The following LRP1B variants were observed in gnomAD, a reference collection of about 807,000 sequenced individuals.
LRP1B encodes the protein LDL receptor related protein 1B, also known as low-density lipoprotein receptor-related protein 1B.
LRP1B carries 217 observed loss-of-function variants against 556.6 expected under a neutral mutation model. The ratio of observed to expected loss-of-function variants is 0.39; its 90% CI spans 0.35 to 0.44. The LOEUF (loss-of-function observed/expected upper bound fraction) is 0.44, where lower values mean the gene tolerates loss of function less well. Ranked by LOEUF, LRP1B falls within the 20% of genes least tolerant of loss-of-function variation. The pLI is 1.00. For missense variants in LRP1B, 5,053 were observed against 5,620.8 expected, an observed-to-expected ratio of 0.90 and a Z score of 3.23; for synonymous variants, 2,047 against 1,865.8, an observed-to-expected ratio of 1.10 and a Z score of -2.50.
intron 13 of LRP1B, 55 bp from the exon 14 acceptor site, chr2:141,013,800 T>C: frequency 3.0e-6 from 3 of 1,008,452 alleles, no homozygotes; most frequent in East Asian, 2.8e-5. Flanking sequence ...GAAACATAAC[T>C]AGATATTTAG....
Position 140,849,690 on chromosome 2 carries a change from C to T in LRP1B, c.4939+412G>A, listed in dbSNP as rs954135218. On this transcript the variant is annotated intron_variant, in intron 29 of 90. Coordinates refer to ENST00000389484, the MANE Select transcript of LRP1B (RefSeq NM_018557.3). ...AAGTAGCTGGGATTACATGTGTGCA[C>T]CACCACATTTGGCTAATTTTGTATT... 2.6e-5 allele frequency among the ~76,000 whole-genome samples: 4 copies of T among 152,008 alleles called. No individual in the cohort carries two copies. The East Asian group carries it at 7.8e-4, about 29-fold the overall frequency.
At chr2:141,411,994 T>C (rs923840912) in intron 3 of LRP1B, among the ~76,000 whole-genome samples, 5 of 151,784 alleles carry the variant, frequency 3.3e-5, no homozygotes, top group African/African-American at 1.2e-4. Flanking sequence ...CATACTAGAT[T>C]GTCTTGAAAT....
At chr2:141,713,335 C>G (rs1466415422) in intron 2 of LRP1B, among the ~76,000 whole-genome samples, 3 of 152,116 alleles carry the variant, frequency 2.0e-5, no homozygotes, top group African/African-American at 4.8e-5. Flanking sequence ...CCACATCGTC[C>G]TTAAGTTTAT....
Position 141,356,705 on chromosome 2 carries a change from GAGA to G in LRP1B, c.344-102067_344-102065del, listed in dbSNP as rs537059875. ...TGACATTTTTGGTTTCTCTCACTTT[GAGA>G]AGAAGACAAATATGTTTTATATAAC... On this transcript the variant is annotated intron_variant, in intron 3 of 90. Transcript: ENST00000389484. 6.0e-3 allele frequency among the ~76,000 whole-genome samples: 910 copies of G among 152,190 alleles called. 3 individuals are homozygous for G. Among genetic ancestry groups the G allele is most frequent in the Non-Finnish European group, 0.01 (683 of 67,996 alleles).
intron 1 of LRP1B, among the ~76,000 whole-genome samples, chr2:141,984,489 T>C (rs189857770): frequency 5.9e-5 from 9 of 152,166 alleles, no homozygotes; most frequent in African/African-American, 2.2e-4. Context: ...TCAAAATAAA[T>C]ATATATAGAA....
intron 35 of LRP1B, among the ~76,000 whole-genome samples, chr2:140,751,279 C>A (rs1245356107): frequency 6.6e-6 from 1 of 152,174 alleles, no homozygotes; most frequent in African/African-American, 2.4e-5. Flanking sequence ...AGGCATGAGC[C>A]ACCACGCATG....
intron 2 of LRP1B, among the ~76,000 whole-genome samples, chr2:141,700,186 A>G (rs1691889508): frequency 1.3e-5 from 2 of 151,748 alleles, no homozygotes; most frequent in East Asian, 1.9e-4. Flanking sequence ...ATTTCTATTG[A>G]CATTTTTAAA....
At chr2:142,092,228 T>A (rs1213444400) in intron 1 of LRP1B, among the ~76,000 whole-genome samples, 1 of 152,210 alleles carries the variant, frequency 6.6e-6, no homozygotes, top group Non-Finnish European at 1.5e-5. Flanking sequence ...TCAGAGGAAG[T>A]ACCTAGTGAA....
rs548578523 is a variant in LRP1B, at chr2:141,000,322, T to C, written c.2503+5013A>G. Among the ~76,000 whole-genome samples the C allele has an allele frequency of 4.6e-5, 7 of 152,126 alleles. No homozygotes were observed. The East Asian group carries it at 1.2e-3, about 25-fold the overall frequency. On this transcript the variant is annotated intron_variant, in intron 15 of 90. Coordinates refer to ENST00000389484, the MANE Select transcript of LRP1B (RefSeq NM_018557.3). ...CAGGTGAGCTTTGTTAAAATAAACATAAAGGACAAGCTTGATCAAAAGGTA... is the reference window on the plus strand; with the variant it reads ...CAGGTGAGCTTTGTTAAAATAAACACAAAGGACAAGCTTGATCAAAAGGTA...
chr2:140,274,529 A>G lies in LRP1B; in HGVS notation c.13037T>C (p.Val4346Ala), dbSNP rs2104952385. The G allele has an allele frequency of 5.0e-6, 8 of 1,612,488 alleles. No homozygotes were observed. The highest frequency in any genetic ancestry group is 6.8e-6 in the Non-Finnish European group (8 of 1,178,926). ...TGGTCCTTCATAGCGCGTTGGACAG[A>G]CACATTCAACACTTCCATCATCCCC... ...TIGDDGSVEC[V>A]CPTRYEGPKC... Residue 4346 changes from valine to alanine, a missense_variant, in exon 85 of 91, where the codon GTC becomes GCC. Coordinates refer to ENST00000389484, the MANE Select transcript of LRP1B (RefSeq NM_018557.3).
intron 3 of LRP1B, among the ~76,000 whole-genome samples, chr2:141,452,393 G>A (rs1311999283): frequency 6.6e-6 from 1 of 152,038 alleles, no homozygotes; most frequent in African/African-American, 2.4e-5. Flanking sequence ...GGAAATTATT[G>A]TATTTCTTGA....
intron 2 of LRP1B, among the ~76,000 whole-genome samples, chr2:141,791,918 G>C (rs1019773765): frequency 2.0e-5 from 3 of 151,982 alleles, no homozygotes; most frequent in African/African-American, 7.2e-5. Context: ...CTGATTTCCA[G>C]TGCTTTCCTA....
intron 41 of LRP1B, among the ~76,000 whole-genome samples, chr2:140,676,937 C>T (rs1685690524): frequency 6.6e-6 from 1 of 152,154 alleles, no homozygotes; most frequent in Non-Finnish European, 1.5e-5. Flanking sequence ...TTTTTCAAAA[C>T]ATGTTTTTCA....
intron 29 of LRP1B, among the ~76,000 whole-genome samples, chr2:140,847,729 T>A (rs1034768305): frequency 6.7e-6 from 1 of 148,650 alleles, no homozygotes; most frequent in East Asian, 2.0e-4. Flanking sequence ...ATAGCACCAC[T>A]GCACTCCAGC....
intron 7 of LRP1B, among the ~76,000 whole-genome samples, chr2:141,071,211 C>T (rs1558839858): frequency 6.7e-6 from 1 of 149,318 alleles, no homozygotes; most frequent in Admixed American, 6.7e-5. Context: ...ATACGCAAAT[C>T]AATAAATGTA....
At chr2:140,506,745 G>A (rs2104906477) in intron 53 of LRP1B, 51 bp downstream of exon 53, 1 of 1,565,198 alleles carries the variant, frequency 6.4e-7, no homozygotes, top group Non-Finnish European at 8.6e-7. Context: ...TACTAGTTTT[G>A]AAAGACTCTT....
intron 66 of LRP1B, among the ~76,000 whole-genome samples, chr2:140,432,121 C>A (rs1405752724): frequency 1.3e-5 from 2 of 152,144 alleles, no homozygotes; most frequent in African/African-American, 4.8e-5. Flanking sequence ...CTGTTCCTGC[C>A]TTAACTGATG....
intron 3 of LRP1B, among the ~76,000 whole-genome samples, chr2:141,342,287 A>AAATC (rs1688096121): frequency 6.7e-6 from 1 of 149,636 alleles, no homozygotes; most frequent in Non-Finnish European, 1.5e-5. Flanking sequence ...ATAAATAAAT[A>AAATC]AATAAATAAA....
chr2:141,735,715 G>T (rs548610349), intron 2 of LRP1B, among the ~76,000 whole-genome samples: 13 of 152,198 alleles, frequency 8.5e-5, no homozygotes, highest in African/African-American at 3.1e-4. Context: ...TTATGGTGGG[G>T]TGGGTACATG....
Sources: allele counts gnomAD v4.1 joint callset (sites outside exome capture counted in the v4.1 genomes callset), GRCh38; gene constraint gnomAD v4.1.1; transcripts MANE v1.5; gene names NCBI Gene and HGNC (gene_info 2026-07-23, HGNC 2026-07-21).